The following CRHBP variants were observed in gnomAD, a reference collection of about 807,000 sequenced individuals.
CRHBP encodes corticotropin releasing hormone binding protein, also known as corticotropin-releasing hormone-binding protein.
A neutral mutation model predicts 34.9 loss-of-function variants in CRHBP; 19 were observed. The observed-to-expected ratio is 0.55, with a 90% CI of 0.38 to 0.80. The LOEUF (loss-of-function observed/expected upper bound fraction) is 0.80. Among genes scored for constraint, CRHBP ranks in the 30% least tolerant of loss-of-function variants. The pLI, the probability that CRHBP is intolerant of heterozygous loss-of-function variation, is 0.00. For missense variants in CRHBP, 328 were observed against 409.2 expected, an observed-to-expected ratio of 0.80 and a Z score of 1.71; for synonymous variants, 154 against 153.4, an observed-to-expected ratio of 1.00 and a Z score of -0.03.
intron 6 of CRHBP, among the ~76,000 whole-genome samples, chr5:76,965,663 T>A (rs537640721): frequency 6.6e-6 from 1 of 152,330 alleles, no homozygotes; most frequent in South Asian, 2.1e-4. Flanking sequence ...TTGAGTGATA[T>A]AACTTGAATT....
At position 76,963,548 on chromosome 5, in the gene CRHBP, G is replaced by T. The variant is rs149980152; in HGVS notation, c.811+88G>T. 2,175 of 1,187,890 alleles carry T rather than the reference G, an allele frequency of 1.8e-3. 46 individuals carry two copies. The African/African-American group carries it at 0.029, about 16-fold the overall frequency. The allele number at this position is 1,187,890 out of a possible 1,614,324, so 73.6% of individuals were successfully genotyped here. A position where few individuals can be genotyped will look rare whatever the true frequency, so the allele number is the denominator to read the frequency against. On this transcript the variant is annotated intron_variant, in intron 6 of 6. Transcript: ENST00000274368. ...CCTAATATTTTCTACATTGGAAGGT[G>T]AGTTTCGCCAAAAAAGCCTTCAATT...
intron 6 of CRHBP, among the ~76,000 whole-genome samples, chr5:76,966,665 C>T (rs1745864796): frequency 6.6e-6 from 1 of 152,076 alleles, no homozygotes; most frequent in Non-Finnish European, 1.5e-5. Context: ...TCCCTGCCAC[C>T]AGGCCTTGGT....
At chr5:76,966,832 T>C (rs2150709011) in intron 6 of CRHBP, among the ~76,000 whole-genome samples, 1 of 152,298 alleles carries the variant, frequency 6.6e-6, no homozygotes, top group South Asian at 2.1e-4. Context: ...ACATTGGATT[T>C]TGTTAGGAAT....
rs920660986 is a variant in CRHBP, at chr5:76,969,278, C to T, written c.*393C>T. 24 of 160,906 alleles carry T rather than the reference C, an allele frequency of 1.5e-4. No individual in the cohort carries two copies. The highest frequency in any genetic ancestry group is 5.5e-4 in the African/African-American group (23 of 41,754). 10.0% of individuals were successfully genotyped at this position (160,906 alleles called of 1,614,324 possible). On this transcript the variant is annotated 3_prime_UTR_variant, in exon 7 of 7. Transcript: ENST00000274368. ...GGCAGCACTTATATTAGTTTTATAA[C>T]AGGATAAAGTCTTGTGTATAGCAAA...
intron 6 of CRHBP, among the ~76,000 whole-genome samples, chr5:76,964,821 A>C (rs1745835677): frequency 6.6e-6 from 1 of 152,030 alleles, no homozygotes; most frequent in African/African-American, 2.4e-5. Context: ...GTGCCACTGC[A>C]CTCCAGCCTG....
In CRHBP at chr5:76,953,125, C is replaced by A; in HGVS notation, c.-10C>A. 6.2e-7 allele frequency: 1 copy of A among 1,614,146 alleles called. No individual in the cohort carries two copies. On this transcript the variant is annotated 5_prime_UTR_variant, in exon 1 of 7. Transcript: ENST00000274368. ...GAGCAGAGCACAGCAGCTGCAGAGGCAAGGCCAGCATGTCGCCCAACTTCA... is the reference window on the plus strand; with the variant it reads ...GAGCAGAGCACAGCAGCTGCAGAGGAAAGGCCAGCATGTCGCCCAACTTCA...
chr5:76,975,753 G>A (rs1255561690), intron 2 of CRHBP, among the ~76,000 whole-genome samples: 6 of 131,482 alleles, frequency 4.6e-5, no homozygotes, highest in South Asian at 4.9e-4. Context: ...GCAGTCAGCC[G>A]AGATCACACC....
At chr5:76,955,331 G>A (rs1275239939) in intron 3 of CRHBP, among the ~76,000 whole-genome samples, 2 of 152,206 alleles carry the variant, frequency 1.3e-5, no homozygotes, top group East Asian at 1.9e-4. Context: ...CTGAAGGTGA[G>A]AGGTAGAAAA....
In CRHBP at chr5:76,954,895, A is replaced by G. The variant is rs1745644878; in HGVS notation, c.333+709A>G. Reference sequence around the variant, plus strand: ...AAATAATCATGATTAACATCTCCAAAGTAGGATTATTTTGGAACCTGTCAC... The same window carrying G: ...AAATAATCATGATTAACATCTCCAAGGTAGGATTATTTTGGAACCTGTCAC... On this transcript the variant is annotated intron_variant, in intron 3 of 6. Transcript: ENST00000274368. Among the ~76,000 whole-genome samples, 3 of 152,258 alleles carry G rather than the reference A, an allele frequency of 2.0e-5. No homozygotes were observed. In the South Asian group the frequency reaches 6.2e-4, roughly 32 times the overall value.
chr5:76,955,065 G>A (rs1745647218), intron 3 of CRHBP, among the ~76,000 whole-genome samples: 2 of 152,176 alleles, frequency 1.3e-5, no homozygotes, highest in Non-Finnish European at 2.9e-5. Context: ...ACTTTAACAA[G>A]TGAAGGAAAA....
chr5:76,975,615 C>T (rs1746012792), intron 2 of CRHBP, among the ~76,000 whole-genome samples: 2 of 150,940 alleles, frequency 1.3e-5, no homozygotes, highest in East Asian at 2.0e-4. Context: ...CCAGCCTGTC[C>T]AACATGGTGA....
At chr5:76,959,054 C>T (rs1561265482) in intron 5 of CRHBP, 165 bp downstream of exon 5, 1 of 616,616 alleles carries the variant, frequency 1.6e-6, no homozygotes, top group Non-Finnish European at 2.6e-6. Flanking sequence ...TGACTAACCC[C>T]CTCTTCTATT....
At chr5:76,957,896 AC>A (rs1181840762) in intron 4 of CRHBP, among the ~76,000 whole-genome samples, 1 of 152,070 alleles carries the variant, frequency 6.6e-6, no homozygotes, top group Non-Finnish European at 1.5e-5. Flanking sequence ...ATGGGGGCTC[AC>A]TCCTGTAATC....
chr5:76,955,875 C>T lies in CRHBP; in HGVS notation c.544+12C>T, dbSNP rs770488705. 1 of 1,611,778 alleles carries T rather than the reference C, an allele frequency of 6.2e-7. No individual in the cohort carries two copies. On this transcript the variant is annotated intron_variant, in intron 4 of 6. Transcript: ENST00000274368. Reference sequence around the variant, plus strand: ...CCCCAACCTCTTTCGTAAGTGTTCTCAGTCAAAAGGCAGAACTTCGGATAT... The same window carrying T: ...CCCCAACCTCTTTCGTAAGTGTTCTTAGTCAAAAGGCAGAACTTCGGATAT...
Position 76,961,682 on chromosome 5 carries a change from A to G in CRHBP, c.694-1661A>G, listed in dbSNP as rs1389119017. Among the ~76,000 whole-genome samples the G allele has an allele frequency of 3.3e-5, 5 of 152,164 alleles. No individual in the cohort carries two copies. The South Asian group carries it at 1.0e-3, about 32-fold the overall frequency. ...GCTCATTAGTGAAGCAGTTGCCATT[A>G]TGTTATTTTCCAATTTGCTGTTTAG... On this transcript the variant is annotated intron_variant, in intron 5 of 6. Coordinates refer to ENST00000274368, the MANE Select transcript of CRHBP (RefSeq NM_001882.4).
chr5:76,973,380 C>G (rs988182772), downstream of CRHBP, among the ~76,000 whole-genome samples: 50 of 152,264 alleles, frequency 3.3e-4, no homozygotes, highest in African/African-American at 1.2e-3. Flanking sequence ...ATCCTTAGAC[C>G]TCTTTGAAAA....
Position 76,954,045 on chromosome 5 carries a change from G to C in CRHBP, c.192G>C (p.Leu64=). Residue 64 remains leucine, a synonymous_variant, in exon 3 of 7, where the codon CTG becomes CTC. Coordinates refer to ENST00000274368, the MANE Select transcript of CRHBP (RefSeq NM_001882.4). ...YRRALRCLDM[L]SLQGQFTFTA... The stretch of plus-strand genomic sequence containing the variant: ...CTCCCCCAGGGTGCCTGGACATGCT[G>C]AGCCTCCAGGGCCAGTTCACCTTCA... The C allele has an allele frequency of 6.2e-7, 1 of 1,613,636 alleles. No homozygotes were observed. The highest frequency in any genetic ancestry group is 1.3e-5 in the African/African-American group (1 of 75,068).
chr5:76,961,463 A>G (rs552780747), intron 5 of CRHBP, among the ~76,000 whole-genome samples: 1 of 152,216 alleles, frequency 6.6e-6, no homozygotes, highest in Non-Finnish European at 1.5e-5. Context: ...CTCAAGGGAA[A>G]GGCAATTAAA....
At chr5:76,953,857 G>A (rs1745618184) in intron 2 of CRHBP, among the ~76,000 whole-genome samples, 163 bp downstream of exon 2, 1 of 152,160 alleles carries the variant, frequency 6.6e-6, no homozygotes, top group South Asian at 2.1e-4. Flanking sequence ...CGCGCCAGGA[G>A]CGGGAGAGGG....
Sources: allele counts gnomAD v4.1 joint callset (sites outside exome capture counted in the v4.1 genomes callset), GRCh38; gene constraint gnomAD v4.1.1; transcripts MANE v1.5; gene names NCBI Gene and HGNC (gene_info 2026-07-23, HGNC 2026-07-21).